Variants in TNPO3 observed in about 807,000 individuals in gnomAD.
TNPO3 encodes the protein transportin-3.
Under a neutral mutation model 122.8 loss-of-function variants are expected in TNPO3, and 65 were observed. That is an observed-to-expected ratio of 0.53 (90% CI 0.43 to 0.65). The LOEUF is 0.65. TNPO3 is among the 30% of genes least tolerant of loss of function. The pLI, the probability that TNPO3 is intolerant of heterozygous loss-of-function variation, is 0.00. For synonymous variants in TNPO3, 372 were observed against 411.2 expected (o/e 0.90, Z 1.15); for missense variants, 850 against 1,136.7 (o/e 0.75, Z 3.63).
chr7:129,042,322 A>G (rs1447280749), intron 1 of TNPO3, among the ~76,000 whole-genome samples: 1 of 152,248 alleles, frequency 6.6e-6, no homozygotes, highest in Non-Finnish European at 1.5e-5. Context: ...GATTTATAGT[A>G]TATTGGGGAA....
At chr7:128,959,977 C>T (rs899714574) in intron 21 of TNPO3, among the ~76,000 whole-genome samples, 2 of 152,114 alleles carry the variant, frequency 1.3e-5, no homozygotes, top group African/African-American at 2.4e-5. Flanking sequence ...GCTGAGATCA[C>T]ACCACCGCAC....
At chr7:129,006,451 A>G (rs559195422) in intron 4 of TNPO3, among the ~76,000 whole-genome samples, 1 of 152,220 alleles carries the variant, frequency 6.6e-6, no homozygotes, top group Non-Finnish European at 1.5e-5. Flanking sequence ...AAATACTATA[A>G]AAGAGATAAA....
rs746441335 is a variant in TNPO3 at position 129,017,950 on chromosome 7, G to GATTTACCTGCGTTACA, written c.312_321+6dup. ...CAAATTTCTCTAATGAGAAGCACAG[G>GATTTACCTGCGTTACA]ATTTACCTGCGTTACAATAACAGGT... On this transcript the variant is annotated splice_region_variant and intron_variant, in intron 2 of 22. Transcript: ENST00000265388. The GATTTACCTGCGTTACA allele has an allele frequency of 6.2e-7, 1 of 1,613,688 alleles. No individual in the cohort carries two copies. Among genetic ancestry groups the GATTTACCTGCGTTACA allele is most frequent in the Non-Finnish European group, 8.5e-7 (1 of 1,179,756 alleles).
chr7:128,984,377 A>G (rs1799935036), intron 12 of TNPO3, 118 bp from the exon 13 acceptor site: 1 of 565,714 alleles, frequency 1.8e-6, no homozygotes, highest in African/African-American at 1.9e-5. Context: ...TCTTTTAAAA[A>G]GATCAGCATT....
intron 4 of TNPO3, among the ~76,000 whole-genome samples, chr7:129,008,363 TA>T (rs1444904259): frequency 6.6e-6 from 1 of 151,596 alleles, no homozygotes; most frequent in Admixed American, 6.6e-5. Context: ...ACAAAAAAAT[TA>T]AAAAATAAAA....
upstream of TNPO3, chr7:129,055,873 A>C: frequency 1.0e-5 from 6 of 597,376 alleles, no homozygotes; most frequent in Middle Eastern, 1.4e-3. Context: ...TTGCACTAGT[A>C]AATAACTGCT....
In TNPO3 at chr7:128,979,222, T is replaced by C. The variant is rs1438108258; in HGVS notation, c.1921-99A>G. 3 of 1,458,274 alleles carry C rather than the reference T, an allele frequency of 2.1e-6. No individual in the cohort carries two copies. In the African/African-American group the frequency reaches 4.2e-5, roughly 20 times the overall value. 90.3% of individuals were successfully genotyped at this position (1,458,274 alleles called of 1,614,324 possible). On this transcript the variant is annotated intron_variant, in intron 15 of 22. Coordinates refer to ENST00000265388, the MANE Select transcript of TNPO3 (RefSeq NM_012470.4). ...ACACCTCATTTAGCTTTTAAATAAC[T>C]GGGACAAAACTTTCTGTATAGGAAC...
intron 8 of TNPO3, among the ~76,000 whole-genome samples, chr7:128,994,406 C>G (rs746882520): frequency 1.1e-4 from 17 of 152,080 alleles, no homozygotes; most frequent in Admixed American, 9.8e-4. Flanking sequence ...CAGCTGCCCA[C>G]CTCGACCTCC....
chr7:128,986,721 G>A lies in TNPO3; in HGVS notation c.1690+8C>T. ...GGTGACTATTAGTGGTTAACATCAA[G>A]TGAGTACCTTTTAGCAAGCCCACAG... On this transcript the variant is annotated splice_region_variant and intron_variant, in intron 12 of 22. Coordinates refer to ENST00000265388, the MANE Select transcript of TNPO3 (RefSeq NM_012470.4). 6.2e-7 allele frequency: 1 copy of A among 1,609,232 alleles called. No individual in the cohort carries two copies. Among genetic ancestry groups the A allele is most frequent in the African/African-American group, 1.3e-5 (1 of 74,878 alleles).
At chr7:128,972,302 T>G in intron 19 of TNPO3, 124 bp downstream of exon 19, 1 of 1,114,410 alleles carries the variant, frequency 9.0e-7, no homozygotes, top group South Asian at 1.6e-5. Context: ...TGATCCACTA[T>G]GATATATGTC....
chr7:128,967,406 A>G lies in TNPO3; in HGVS notation c.2599-14T>C. The G allele has an allele frequency of 6.4e-7, 1 of 1,552,424 alleles. No individual in the cohort carries two copies. The highest frequency in any genetic ancestry group is 8.9e-7 in the Non-Finnish European group (1 of 1,124,002). On this transcript the variant is annotated splice_polypyrimidine_tract_variant and intron_variant, in intron 20 of 22. Coordinates refer to ENST00000265388, the MANE Select transcript of TNPO3 (RefSeq NM_012470.4). ...TCGACAAAAAGTCTGTATAGGAAAG[A>G]GGGGTAAGAGTTTTAAAAGGAAGCA...
intron 14 of TNPO3, among the ~76,000 whole-genome samples, chr7:128,981,640 C>G (rs1032948958): frequency 6.6e-6 from 1 of 151,744 alleles, no homozygotes; most frequent in African/African-American, 2.4e-5. Flanking sequence ...CCAGGTGATT[C>G]TGATGCATGT....
chr7:128,966,771 C>T (rs1403562828), intron 21 of TNPO3, among the ~76,000 whole-genome samples: 1 of 152,172 alleles, frequency 6.6e-6, no homozygotes, highest in Non-Finnish European at 1.5e-5. Context: ...ATTGTAAGTT[C>T]CTCATGGGCC....
intron 1 of TNPO3, chr7:129,041,675 A>T: frequency 6.1e-6 from 6 of 985,496 alleles, no homozygotes; most frequent in Non-Finnish European, 7.2e-6. Context: ...CAGAGTCAGC[A>T]GGAGGAAGCT....
chr7:129,025,524 C>A (rs1805041177), intron 1 of TNPO3, among the ~76,000 whole-genome samples: 1 of 151,978 alleles, frequency 6.6e-6, no homozygotes, highest in Admixed American at 6.6e-5. Flanking sequence ...GCGGTTATGT[C>A]AAATGGTACA....
chr7:129,035,257 G>C (rs546920734), intron 1 of TNPO3, among the ~76,000 whole-genome samples: 1 of 152,302 alleles, frequency 6.6e-6, no homozygotes, highest in East Asian at 1.9e-4. Context: ...CTGGGCGAAA[G>C]AGCGAGACTC....
chr7:129,003,210 G>C (rs530531003), intron 5 of TNPO3, among the ~76,000 whole-genome samples: 2 of 151,498 alleles, frequency 1.3e-5, no homozygotes, highest in Admixed American at 1.3e-4. Flanking sequence ...GCGACAGAGG[G>C]AGGAGACTCT....
intron 20 of TNPO3, among the ~76,000 whole-genome samples, chr7:128,969,917 T>C (rs989977140): frequency 2.6e-5 from 4 of 152,256 alleles, no homozygotes; most frequent in African/African-American, 9.6e-5. Context: ...TACTTACTTC[T>C]GGTAATATAC....
chr7:129,026,125 CAA>C (rs57663203), intron 1 of TNPO3, among the ~76,000 whole-genome samples: 160 of 99,088 alleles, frequency 1.6e-3, no homozygotes, highest in Middle Eastern at 5.3e-3. Flanking sequence ...GACTCCGTCT[CAA>C]AAAAAAAAAA....
Sources: allele counts gnomAD v4.1 joint callset (sites outside exome capture counted in the v4.1 genomes callset), GRCh38; gene constraint gnomAD v4.1.1; transcripts MANE v1.5; gene names NCBI Gene and HGNC (gene_info 2026-07-23, HGNC 2026-07-21).